SPAG16: variants seen among roughly 807,000 people sequenced by gnomAD.
The protein encoded by SPAG16 is sperm associated antigen 16, also known as sperm-associated antigen 16 protein.
Under a neutral mutation model 80.4 loss-of-function variants are expected in SPAG16, and 86 were observed. The observed-to-expected ratio is 1.07, with a 90% CI of 0.90 to 1.28. The LOEUF (loss-of-function observed/expected upper bound fraction) is 1.28, where lower values mean the gene tolerates loss of function less well. Among genes scored for constraint, SPAG16 ranks in the 50% most tolerant of loss-of-function variants. The pLI, the probability that SPAG16 is intolerant of heterozygous loss-of-function variation, is 0.00. For missense variants in SPAG16, 870 were observed against 765.3 expected (o/e 1.14, Z -1.61); for synonymous variants, 294 against 265.9 (o/e 1.11, Z -1.03).
chr2:214,088,494 G>A (rs2051936709), intron 13 of SPAG16, among the ~76,000 whole-genome samples: 1 of 151,914 alleles, frequency 6.6e-6, no homozygotes, highest in Admixed American at 6.6e-5. Context: ...AAATGTACAA[G>A]CTTACAGGAA....
At chr2:213,905,784 A>G (rs12466222) in intron 11 of SPAG16, among the ~76,000 whole-genome samples, 36,397 of 152,056 alleles carry the variant, frequency 0.24, 4,963 homozygotes, top group South Asian at 0.37. Flanking sequence ...TAAATTTTAA[A>G]GGGGTTATAA....
chr2:213,719,644 C>G (rs112581579), intron 10 of SPAG16, among the ~76,000 whole-genome samples: 3,672 of 152,270 alleles, frequency 0.024, 150 homozygotes, highest in African/African-American at 0.083. Context: ...ACAATACCAT[C>G]TCATGCTAGT....
At chr2:214,404,439 T>G (rs929442372) in intron 15 of SPAG16, among the ~76,000 whole-genome samples, 1 of 152,186 alleles carries the variant, frequency 6.6e-6, no homozygotes, top group Non-Finnish European at 1.5e-5. Flanking sequence ...TTGTTGCTGC[T>G]GCTACTGCGA....
In SPAG16 at chr2:213,842,958, C is replaced by T. The variant is rs182250909; in HGVS notation, c.1071-19527C>T. Among the ~76,000 whole-genome samples the T allele has an allele frequency of 8.5e-4, 129 of 152,152 alleles. 1 individual carries two copies. The highest frequency in any genetic ancestry group is 4.3e-4 in the Non-Finnish European group (29 of 67,976). On this transcript the variant is annotated intron_variant, in intron 10 of 15. Transcript: ENST00000331683. ...ATTTTCACTTTTTGTTTTGTAGAAG[C>T]AAGGTCTCAGTATGTTGCCCAGGCT...
chr2:213,508,294 T>A (rs112654606), intron 10 of SPAG16, among the ~76,000 whole-genome samples: 1 of 152,088 alleles, frequency 6.6e-6, no homozygotes, highest in African/African-American at 2.4e-5. Context: ...TGAGTTCGGC[T>A]GGGCGCGGTG....
intron 15 of SPAG16, among the ~76,000 whole-genome samples, chr2:214,329,868 A>G (rs890377995): frequency 6.6e-6 from 1 of 152,132 alleles, no homozygotes; most frequent in Admixed American, 6.5e-5. Flanking sequence ...CTTTGCCCCT[A>G]TATCATCGAT....
chr2:213,700,266 C>G (rs1215432220), intron 10 of SPAG16, among the ~76,000 whole-genome samples: 2 of 151,294 alleles, frequency 1.3e-5, no homozygotes, highest in African/African-American at 4.8e-5. Flanking sequence ...ATTTAAGAAA[C>G]CATTTCCATA....
rs112975349 is a variant in SPAG16, at chr2:213,589,887, A to G, written c.1070+99797A>G. ...CAGTGAGCCGAGATCGCGCCATTGC[A>G]CTCCAGCCCGGGCAACAGAACGAAA... On this transcript the variant is annotated intron_variant, in intron 10 of 15. Transcript: ENST00000331683. Among the ~76,000 whole-genome samples the G allele has an allele frequency of 1.5e-3, 229 of 148,970 alleles. 3 individuals are homozygous for G. The highest frequency in any genetic ancestry group is 4.6e-3 in the African/African-American group (184 of 40,150).
At chr2:214,323,248 G>C (rs1321584068) in intron 15 of SPAG16, among the ~76,000 whole-genome samples, 1 of 151,994 alleles carries the variant, frequency 6.6e-6, no homozygotes, top group South Asian at 2.1e-4. Flanking sequence ...TGCTTTTAAA[G>C]GGTGACCTGG....
At chr2:214,163,827 G>C (rs2056548572) in intron 15 of SPAG16, among the ~76,000 whole-genome samples, 1 of 151,788 alleles carries the variant, frequency 6.6e-6, no homozygotes, top group African/African-American at 2.4e-5. Flanking sequence ...GAGGGCCTTA[G>C]TCTTTCTTTA....
chr2:214,152,472 C>T (rs568646365), intron 15 of SPAG16, among the ~76,000 whole-genome samples: 4 of 152,210 alleles, frequency 2.6e-5, no homozygotes, highest in South Asian at 2.1e-4. Context: ...AGTGTTCTAA[C>T]GTGGACTCAA....
chr2:213,653,497 T>G (rs1469428140), intron 10 of SPAG16, among the ~76,000 whole-genome samples: 2 of 152,188 alleles, frequency 1.3e-5, no homozygotes, highest in African/African-American at 4.8e-5. Flanking sequence ...GTGAGATAAT[T>G]TGTTGCAATT....
intron 6 of SPAG16, among the ~76,000 whole-genome samples, chr2:213,348,430 C>G (rs973262282): frequency 6.6e-6 from 1 of 152,094 alleles, no homozygotes; most frequent in African/African-American, 2.4e-5. Flanking sequence ...GTGATGTTAG[C>G]TGGTTATTTT....
chr2:213,344,464 G>A (rs566344890), intron 6 of SPAG16, among the ~76,000 whole-genome samples: 3 of 151,662 alleles, frequency 2.0e-5, no homozygotes, highest in Non-Finnish European at 4.4e-5. Context: ...GTGCCATGTT[G>A]GTGTGCTGCA....
intron 13 of SPAG16, among the ~76,000 whole-genome samples, chr2:214,031,570 A>G (rs12986556): frequency 0.13 from 18,443 of 143,346 alleles, 1,307 homozygotes; most frequent in Non-Finnish European, 0.16. Context: ...CATTGTGCAC[A>G]TGTACCCTAA....
chr2:213,847,690 C>A (rs2074700106), intron 10 of SPAG16, among the ~76,000 whole-genome samples: 1 of 152,108 alleles, frequency 6.6e-6, no homozygotes, highest in African/African-American at 2.4e-5. Flanking sequence ...CTTGTGCATT[C>A]TTATGCCTAC....
At chr2:213,314,223 ATAAT>A (rs899237250) in intron 4 of SPAG16, among the ~76,000 whole-genome samples, 1 of 151,928 alleles carries the variant, frequency 6.6e-6, no homozygotes, top group Non-Finnish European at 1.5e-5. Flanking sequence ...AAATATTAAG[ATAAT>A]TAATGCAGTT....
At chr2:213,861,144 C>A (rs1427348) in intron 10 of SPAG16, among the ~76,000 whole-genome samples, 52,285 of 151,904 alleles carry the variant, frequency 0.34, 9,443 homozygotes, top group South Asian at 0.47. Context: ...AAAAATGAAA[C>A]AATGTTTCAC....
At chr2:214,283,166 T>C (rs1693089399) in intron 15 of SPAG16, among the ~76,000 whole-genome samples, 1 of 152,126 alleles carries the variant, frequency 6.6e-6, no homozygotes, top group Non-Finnish European at 1.5e-5. Flanking sequence ...TGTCAGTAAA[T>C]TGATTGTACA....
Sources: gnomAD v4.1 joint callset for allele counts (sites outside exome capture counted in the v4.1 genomes callset) on GRCh38, gnomAD v4.1.1 for gene constraint, MANE v1.5 for transcripts, NCBI Gene and HGNC (gene_info 2026-07-23, HGNC 2026-07-21) for gene names.